FAM117B: variants seen among roughly 807,000 people sequenced by gnomAD.
FAM117B encodes the protein protein FAM117B.
Under a neutral mutation model 52.8 loss-of-function variants are expected in FAM117B, and 22 were observed. That is an observed-to-expected ratio of 0.42 (90% CI 0.30 to 0.59). The LOEUF (loss-of-function observed/expected upper bound fraction) is 0.59, where lower values mean the gene tolerates loss of function less well. FAM117B is among the 20% of genes least tolerant of loss of function. The probability of loss-of-function intolerance (pLI) is 0.22; values close to 1 mark genes in which losing one functional copy is unlikely to be tolerated. For missense variants in FAM117B, 678 were observed against 802.6 expected, an observed-to-expected ratio of 0.84 and a Z score of 1.88; for synonymous variants, 309 against 324.1, an observed-to-expected ratio of 0.95 and a Z score of 0.50.
rs368920313 is a variant in FAM117B at position 202,724,971 on chromosome 2, C to T, written c.808C>T (p.Arg270Cys). 77 of 1,613,102 alleles carry T rather than the reference C, an allele frequency of 4.8e-5. No individual in the cohort carries two copies. The highest frequency in any genetic ancestry group is 2.2e-5 in the East Asian group (1 of 44,852). The change falls in exon 3 of 8, where the codon CGC becomes TGC. Residue 270 changes from arginine to cysteine, a missense_variant. This residue lies in a region of FAM117B where 583 missense variants were observed against 644.8 expected (regional missense o/e 0.90). Transcript: ENST00000392238. Reference sequence around the variant, plus strand: ...TGAAAAGAAGAAAGGGTCTCACAAGCGCTCAGCATCTTGGGGCAGTACAGA... The same window carrying T: ...TGAAAAGAAGAAAGGGTCTCACAAGTGCTCAGCATCTTGGGGCAGTACAGA... ...YSEKKKGSHK[R>C]SASWGSTDQL... is the part of the protein sequence containing the mutation.
chr2:202,670,959 G>T (rs915212929), intron 1 of FAM117B, among the ~76,000 whole-genome samples: 1 of 152,160 alleles, frequency 6.6e-6, no homozygotes, highest in Non-Finnish European at 1.5e-5. Flanking sequence ...AAATAAATTT[G>T]CCAAATATGC....
intron 7 of FAM117B, among the ~76,000 whole-genome samples, chr2:202,761,577 A>G (rs1691890352): frequency 1.3e-5 from 2 of 151,920 alleles, no homozygotes; most frequent in Non-Finnish European, 2.9e-5. Flanking sequence ...CCCAGGCTGG[A>G]GTGCAATGGC....
intron 1 of FAM117B, among the ~76,000 whole-genome samples, chr2:202,663,222 C>T (rs1033892563): frequency 9.5e-4 from 144 of 152,134 alleles, no homozygotes; most frequent in African/African-American, 2.6e-3. Context: ...GTGCACAGAA[C>T]GTTAATTTCC....
intron 2 of FAM117B, among the ~76,000 whole-genome samples, chr2:202,721,478 A>G (rs1373619525): frequency 2.0e-5 from 3 of 152,188 alleles, no homozygotes; most frequent in Non-Finnish European, 4.4e-5. Flanking sequence ...GACCATAGAG[A>G]TAACAAAATA....
intron 1 of FAM117B, among the ~76,000 whole-genome samples, chr2:202,648,663 C>T (rs1028479316): frequency 1.3e-5 from 2 of 151,858 alleles, no homozygotes; most frequent in African/African-American, 2.4e-5. Context: ...TCATTTCTAG[C>T]CTTTTGCTGT....
intron 4 of FAM117B, 125 bp from the exon 5 acceptor site, chr2:202,755,413 C>A: frequency 1.7e-6 from 2 of 1,188,374 alleles, no homozygotes; most frequent in Non-Finnish European, 2.4e-6. Context: ...TGGTCACTCA[C>A]ACTTTTTGTG....
chr2:202,690,486 G>A (rs560698771), intron 1 of FAM117B, among the ~76,000 whole-genome samples: 53 of 152,312 alleles, frequency 3.5e-4, no homozygotes, highest in Admixed American at 6.5e-4. Flanking sequence ...CTCTGTACCG[G>A]AACACAGGAA....
intron 1 of FAM117B, among the ~76,000 whole-genome samples, chr2:202,644,041 G>A (rs1370737656): frequency 1.6e-5 from 2 of 125,268 alleles, no homozygotes; most frequent in Admixed American, 8.4e-5. Flanking sequence ...CTATACTACT[G>A]CTTTAGGAGC....
chr2:202,691,331 A>G (rs1690618550), intron 1 of FAM117B, among the ~76,000 whole-genome samples: 2 of 152,218 alleles, frequency 1.3e-5, no homozygotes, highest in South Asian at 2.1e-4. Flanking sequence ...AGGCAGGAGA[A>G]TTGCTTGAAC....
At chr2:202,694,638 A>G (rs568759416) in intron 1 of FAM117B, among the ~76,000 whole-genome samples, 63 of 152,178 alleles carry the variant, frequency 4.1e-4, no homozygotes, top group African/African-American at 1.5e-3. Context: ...GCAAATACCC[A>G]CTTTGTTTGC....
intron 1 of FAM117B, among the ~76,000 whole-genome samples, chr2:202,679,419 T>G (rs1194916963): frequency 6.6e-6 from 1 of 152,200 alleles, no homozygotes. Flanking sequence ...GAAAAAGAGC[T>G]CTAGAAATCT....
chr2:202,649,741 G>A (rs988268949), intron 1 of FAM117B, among the ~76,000 whole-genome samples: 8 of 151,920 alleles, frequency 5.3e-5, no homozygotes, highest in African/African-American at 9.7e-5. Context: ...TAGTAAAGAC[G>A]GGGTTTCACT....
chr2:202,658,391 C>T (rs1439022496), intron 1 of FAM117B, among the ~76,000 whole-genome samples: 3 of 152,134 alleles, frequency 2.0e-5, no homozygotes, highest in Non-Finnish European at 2.9e-5. Context: ...GCAGCCTCTG[C>T]CTCCTGGGTT....
intron 1 of FAM117B, among the ~76,000 whole-genome samples, chr2:202,650,832 C>T (rs1490238879): frequency 1.3e-5 from 2 of 152,182 alleles, no homozygotes; most frequent in Non-Finnish European, 2.9e-5. Flanking sequence ...CTTCTCCTGC[C>T]TGCTTTATTC....
chr2:202,649,604 TGCAATGGCGTGATCTCG>T (rs1270275493), intron 1 of FAM117B, among the ~76,000 whole-genome samples: 9 of 152,146 alleles, frequency 5.9e-5, no homozygotes, highest in Admixed American at 3.3e-4. Flanking sequence ...GAGGCTGGAG[TGCAATGGCGTGATCTCG>T]GCACATTGCA....
Position 202,740,388 on chromosome 2 carries a change from A to G in FAM117B, c.960+14025A>G, listed in dbSNP as rs374560373. The stretch of plus-strand genomic sequence containing the variant: ...AAAAAAAAAAAAAAAAAAGTATTTA[A>G]TTTTTATCATGACTAACACTTCAGT... On this transcript the variant is annotated intron_variant, in intron 4 of 7. Transcript: ENST00000392238. Among the ~76,000 whole-genome samples the G allele has an allele frequency of 2.7e-5, 4 of 150,718 alleles. No homozygotes were observed. The South Asian group carries it at 8.4e-4, about 32-fold the overall frequency.
chr2:202,724,379 T>G (rs1479113445), intron 2 of FAM117B, among the ~76,000 whole-genome samples: 1 of 152,188 alleles, frequency 6.6e-6, no homozygotes, highest in African/African-American at 2.4e-5. Flanking sequence ...CTGAAGATAC[T>G]TATGGCAAGA....
chr2:202,696,048 T>C lies in FAM117B; in HGVS notation c.753+16T>C, dbSNP rs766351846. The C allele has an allele frequency of 1.9e-6, 3 of 1,609,268 alleles. No individual in the cohort carries two copies. Among genetic ancestry groups the C allele is most frequent in the Admixed American group, 3.4e-5 (2 of 58,940 alleles). On this transcript the variant is annotated intron_variant, in intron 2 of 7. Coordinates refer to ENST00000392238, the MANE Select transcript of FAM117B (RefSeq NM_173511.4). ...AGCTACACAGGTAAGCTTATTATAG[T>C]TCTTATCCTGAAGTGTTTTTCTCTG...
rs1057396071 is a variant in FAM117B, at chr2:202,695,622, T to G, written c.602-259T>G. Reference sequence around the variant, plus strand: ...CTTGTTCTATTTTATTATTAGTTATTGTTGTTAATCTCATGCTGTGCCTAA... The same window carrying G: ...CTTGTTCTATTTTATTATTAGTTATGGTTGTTAATCTCATGCTGTGCCTAA... On this transcript the variant is annotated intron_variant, in intron 1 of 7. Coordinates refer to ENST00000392238, the MANE Select transcript of FAM117B (RefSeq NM_173511.4). Among the ~76,000 whole-genome samples the G allele has an allele frequency of 3.9e-5, 6 of 152,232 alleles. 1 individual carries two copies. The South Asian group carries it at 1.2e-3, about 32-fold the overall frequency.
Sources: gnomAD v4.1 joint callset for allele counts (sites outside exome capture counted in the v4.1 genomes callset) on GRCh38, gnomAD v4.1.1 for gene constraint, gnomAD v4.1.1 regional missense constraint, MANE v1.5 for transcripts, NCBI Gene and HGNC (gene_info 2026-07-23, HGNC 2026-07-21) for gene names.